The following CRADD variants were observed in gnomAD, a reference collection of about 807,000 sequenced individuals.
The protein encoded by CRADD is death domain-containing protein CRADD.
In CRADD, 9 loss-of-function variants were observed where a neutral mutation model predicts 15.5. That is an observed-to-expected ratio of 0.58 (90% confidence interval 0.35 to 1.01). CRADD has a LOEUF of 1.01. CRADD is among the 50% of genes least tolerant of loss of function. The pLI is 0.02. For synonymous variants in CRADD, 118 were observed against 107.6 expected, an observed-to-expected ratio of 1.10 and a Z score of -0.60; for missense variants, 227 against 250.3, an observed-to-expected ratio of 0.91 and a Z score of 0.63.
At chr12:93,821,468 G>A (rs1320478086) in intron 2 of CRADD, among the ~76,000 whole-genome samples, 1 of 152,158 alleles carries the variant, frequency 6.6e-6, no homozygotes, top group Non-Finnish European at 1.5e-5. Flanking sequence ...TCCCTCTGTT[G>A]AACCATAGCT....
At chr12:93,816,958 A>T (rs1957708121) in intron 2 of CRADD, among the ~76,000 whole-genome samples, 1 of 152,232 alleles carries the variant, frequency 6.6e-6, no homozygotes, top group Non-Finnish European at 1.5e-5. Flanking sequence ...CTGAAATCAG[A>T]GGTCTGCCTT....
At chr12:93,716,170 A>G (rs1428270453) in intron 2 of CRADD, among the ~76,000 whole-genome samples, 1 of 151,890 alleles carries the variant, frequency 6.6e-6, no homozygotes. Context: ...TAGATGAGCT[A>G]ATTTTTGAAG....
chr12:93,725,655 T>C (rs1371263431), intron 2 of CRADD, among the ~76,000 whole-genome samples: 1 of 152,250 alleles, frequency 6.6e-6, no homozygotes, highest in East Asian at 1.9e-4. Context: ...TGTGGAGTAT[T>C]GTAATGCAAA....
chr12:93,796,863 C>T (rs962182937), intron 2 of CRADD, among the ~76,000 whole-genome samples: 4 of 152,172 alleles, frequency 2.6e-5, no homozygotes, highest in Non-Finnish European at 5.9e-5. Flanking sequence ...AACCTCTCTT[C>T]TGCCCTTGTC....
intron 2 of CRADD, among the ~76,000 whole-genome samples, chr12:93,762,952 T>A (rs556505543): frequency 4.6e-5 from 7 of 152,352 alleles, no homozygotes; most frequent in African/African-American, 1.7e-4. Flanking sequence ...TTGCTTTTCC[T>A]AAGATATTTG....
At chr12:93,768,029 T>C (rs776944636) in intron 2 of CRADD, among the ~76,000 whole-genome samples, 19 of 152,238 alleles carry the variant, frequency 1.2e-4, no homozygotes, top group Non-Finnish European at 2.4e-4. Flanking sequence ...AATTTCTCCT[T>C]CTTAGAACCA....
intron 2 of CRADD, among the ~76,000 whole-genome samples, chr12:93,772,477 G>C (rs1463705479): frequency 6.6e-6 from 1 of 152,174 alleles, no homozygotes; most frequent in Non-Finnish European, 1.5e-5. Context: ...CCTCTGCAAA[G>C]AAACTCTCTC....
intron 2 of CRADD, among the ~76,000 whole-genome samples, chr12:93,682,030 G>A (rs1955320708): frequency 6.6e-6 from 1 of 152,114 alleles, no homozygotes; most frequent in Admixed American, 6.6e-5. Context: ...CATGTTTAAA[G>A]TAATTTAATT....
At chr12:93,859,137 C>T (rs1958298835) in intron 2 of CRADD, among the ~76,000 whole-genome samples, 1 of 152,176 alleles carries the variant, frequency 6.6e-6, no homozygotes, top group African/African-American at 2.4e-5. Flanking sequence ...TCCATAAATG[C>T]CTGATTGTGT....
chr12:93,817,425 G>A (rs764375456), intron 2 of CRADD, among the ~76,000 whole-genome samples: 10 of 152,170 alleles, frequency 6.6e-5, no homozygotes, highest in African/African-American at 9.7e-5. Flanking sequence ...ATTTGAGGTC[G>A]ATGCTGTCGT....
intron 2 of CRADD, among the ~76,000 whole-genome samples, chr12:93,890,780 A>G (rs1398889350): frequency 7.0e-6 from 1 of 143,712 alleles, no homozygotes; most frequent in Non-Finnish European, 1.5e-5. Flanking sequence ...TTTTTTTGAG[A>G]CAGAGTCTCC....
intron 2 of CRADD, among the ~76,000 whole-genome samples, chr12:93,777,814 C>T (rs747017226): frequency 4.6e-5 from 7 of 152,136 alleles, no homozygotes; most frequent in Non-Finnish European, 5.9e-5. Flanking sequence ...CTGGTGCTTG[C>T]GGCTGTTTGA....
chr12:93,695,543 G>A (rs1955683656), intron 2 of CRADD, among the ~76,000 whole-genome samples: 1 of 152,148 alleles, frequency 6.6e-6, no homozygotes, highest in African/African-American at 2.4e-5. Context: ...CCATATATAT[G>A]ATAAGGAATT....
intron 2 of CRADD, among the ~76,000 whole-genome samples, chr12:93,723,188 AC>A (rs1956295189): frequency 6.6e-6 from 1 of 152,144 alleles, no homozygotes; most frequent in African/African-American, 2.4e-5. Context: ...CCTGAGACAA[AC>A]CCCCTCTTTG....
At chr12:93,890,588 A>C (rs981774078) in intron 2 of CRADD, among the ~76,000 whole-genome samples, 1 of 152,190 alleles carries the variant, frequency 6.6e-6, no homozygotes, top group East Asian at 1.9e-4. Context: ...GTCCCTGGGC[A>C]GGACTTGTGG....
intron 2 of CRADD, among the ~76,000 whole-genome samples, chr12:93,724,378 C>CAA (rs58599421): frequency 4.5e-5 from 6 of 131,958 alleles, no homozygotes; most frequent in African/African-American, 8.5e-5. Context: ...GACCCTGTCT[C>CAA]AAAAAAAAAA....
chr12:93,684,606 T>G (rs898254511), intron 2 of CRADD, among the ~76,000 whole-genome samples: 1 of 152,146 alleles, frequency 6.6e-6, no homozygotes, highest in African/African-American at 2.4e-5. Flanking sequence ...TGGAGTTCAA[T>G]GTATTCTAGT....
chr12:93,717,313 T>G (rs1310859056), intron 2 of CRADD, among the ~76,000 whole-genome samples: 3 of 152,200 alleles, frequency 2.0e-5, no homozygotes, highest in Non-Finnish European at 4.4e-5. Context: ...TTTTTTCTAG[T>G]CTAACTCATC....
chr12:93,738,529 C>A, intron 2 of CRADD: 2 of 699,212 alleles, frequency 2.9e-6, no homozygotes, highest in Admixed American at 2.0e-5. Context: ...AAATCCTTCT[C>A]TTGGAAGAAA....
Sources: allele counts gnomAD v4.1 joint callset (sites outside exome capture counted in the v4.1 genomes callset), GRCh38; gene constraint gnomAD v4.1.1; transcripts MANE v1.5; gene names NCBI Gene and HGNC (gene_info 2026-07-23, HGNC 2026-07-21).